The following ZNF600 variants were observed in gnomAD, a reference collection of about 807,000 sequenced individuals.
ZNF600 encodes the protein zinc finger protein 600.
A neutral mutation model predicts 7.3 loss-of-function variants in ZNF600; 4 were observed. The ratio of observed to expected loss-of-function variants is 0.55; its 90% CI spans 0.27 to 1.25. ZNF600 has a LOEUF of 1.25. Among genes scored for constraint, ZNF600 ranks in the 50% most tolerant of loss-of-function variants. ZNF600 has a pLI of 0.12. For synonymous variants in ZNF600, 290 were observed against 308.9 expected (o/e 0.94, Z 0.64); for missense variants, 911 against 922.1 (o/e 0.99, Z 0.16).
At chr19:52,807,419 G>A in the ZNF600 span, among the ~76,000 whole-genome samples, 995 of 152,294 alleles carry the variant, frequency 6.5e-3, 11 homozygotes, top group African/African-American at 0.022. Flanking sequence ...AGAATCGAAA[G>A]CACAGGAGAA....
At chr19:52,801,183 C>A in the ZNF600 span, 1 of 1,614,032 alleles carries the variant, frequency 6.2e-7, no homozygotes, top group Non-Finnish European at 8.5e-7. Context: ...AAAGGATTTG[C>A]CACTCTCAAT....
chr19:52,830,387 C>G, the ZNF600 span, among the ~76,000 whole-genome samples: 1 of 152,138 alleles, frequency 6.6e-6, no homozygotes, highest in Non-Finnish European at 1.5e-5. Context: ...TTTGCACATA[C>G]AGTAAGTGAG....
At chr19:52,827,151 G>C in the ZNF600 span, among the ~76,000 whole-genome samples, 1 of 151,326 alleles carries the variant, frequency 6.6e-6, no homozygotes, top group Non-Finnish European at 1.5e-5. Context: ...AGGGTAATGT[G>C]TGGATCACTT....
chr19:52,788,069 C>A (rs1303406950), upstream of ZNF600, among the ~76,000 whole-genome samples: 2 of 152,114 alleles, frequency 1.3e-5, no homozygotes, highest in African/African-American at 2.4e-5. Flanking sequence ...ATCACTGACA[C>A]CTTGGGGTCC....
chr19:52,809,940 GC>G, the ZNF600 span: 6 of 853,244 alleles, frequency 7.0e-6, no homozygotes, highest in Non-Finnish European at 9.7e-6. Context: ...CGGGGAGGTT[GC>G]CCCGGGGGGC....
intron 2 of ZNF600, among the ~76,000 whole-genome samples, chr19:52,777,699 G>A (rs2062687401): frequency 6.6e-6 from 1 of 151,858 alleles, no homozygotes; most frequent in Admixed American, 6.6e-5. Flanking sequence ...GTGTGGTGGT[G>A]CATCCTGAAG....
At chr19:52,814,139 G>C in the ZNF600 span, 1 of 146,844 alleles carries the variant, frequency 6.8e-6, no homozygotes, top group Non-Finnish European at 1.5e-5. Flanking sequence ...AGAACTGACA[G>C]TAACGGCTCC....
chr19:52,819,790 T>C, the ZNF600 span, among the ~76,000 whole-genome samples: 1,886 of 140,690 alleles, frequency 0.013, 254 homozygotes, highest in African/African-American at 0.05. Flanking sequence ...CTGATGAAAT[T>C]GACTCCCAAC....
chr19:52,803,956 C>CA, the ZNF600 span, among the ~76,000 whole-genome samples: 3 of 151,924 alleles, frequency 2.0e-5, no homozygotes, highest in Admixed American at 1.3e-4. Flanking sequence ...GACTCCATCT[C>CA]AAAAAAATAA....
chr19:52,827,113 C>T, the ZNF600 span, among the ~76,000 whole-genome samples: 3 of 151,754 alleles, frequency 2.0e-5, no homozygotes, highest in Admixed American at 6.6e-5. Context: ...GATATGGTGA[C>T]ACATGCCTGT....
rs771362371 is a variant in ZNF600 at position 52,767,758 on chromosome 19, G to C, written c.205C>G (p.Arg69Gly). Reference sequence around the variant, plus strand: ...GTTGACAAGACCTCCTTCATCATGCGTTTGGAAGAGATATCTACAAAATAT... The same window carrying C: ...GTTGACAAGACCTCCTTCATCATGCCTTTGGAAGAGATATCTACAAAATAT... Residue 69 changes from arginine to glycine, a missense_variant, in exon 4 of 4, where the codon CGC becomes GGC. Coordinates refer to ENST00000648973, the Ensembl canonical transcript of ZNF600. The C allele has an allele frequency of 5.7e-6, 9 of 1,568,056 alleles. No individual in the cohort carries two copies. The South Asian group carries it at 1.1e-4, about 19-fold the overall frequency.
At chr19:52,767,881 A>G (rs923748228) in intron 3 of ZNF600, 109 bp from the exon 6 acceptor site, 19 of 1,413,668 alleles carry the variant, frequency 1.3e-5, no homozygotes, top group Non-Finnish European at 1.8e-5. Flanking sequence ...CTTCCCAAAT[A>G]TCATCTTCAA....
At chr19:52,767,539 G>A in exon 4 of ZNF600, 1 of 1,614,122 alleles carries the variant, frequency 6.2e-7, no homozygotes, top group South Asian at 1.1e-5. Flanking sequence ...CTGTGATCAT[G>A]TTGGTCTGTG....
chr19:52,804,172 C>T, the ZNF600 span, among the ~76,000 whole-genome samples: 1 of 152,138 alleles, frequency 6.6e-6, no homozygotes, highest in Admixed American at 6.5e-5. Flanking sequence ...TATGGCTGGT[C>T]TAAAGCATGA....
chr19:52,808,713 C>T, the ZNF600 span, among the ~76,000 whole-genome samples: 27 of 151,506 alleles, frequency 1.8e-4, no homozygotes, highest in East Asian at 5.2e-3. Flanking sequence ...ACTTGGAAGG[C>T]TAAGGAGGGA....
At position 52,780,856 on chromosome 19, in the gene ZNF600, T is replaced by C. The variant is rs189840119; in HGVS notation, c.-19-1949A>G. The C allele has an allele frequency of 2.0e-3, 307 of 152,372 alleles. 3 individuals are homozygous for C. Among genetic ancestry groups the C allele is most frequent in the African/African-American group, 7.0e-3 (291 of 41,582 alleles). The allele number at this position is 152,372 out of a possible 1,614,324, so 9.4% of individuals were successfully genotyped here. On this transcript the variant is annotated intron_variant, in intron 1 of 3. Coordinates refer to ENST00000648973, the Ensembl canonical transcript of ZNF600. ...AAATAAAGTAATTTATTTCACAAAT[T>C]TAAAATACATGCTGTCAAGTTCGGC... is the stretch of plus-strand genomic sequence containing the variant.
the ZNF600 span, among the ~76,000 whole-genome samples, chr19:52,831,458 T>TGTG: frequency 6.6e-6 from 1 of 151,248 alleles, no homozygotes; most frequent in Admixed American, 6.6e-5. Flanking sequence ...AACAGGCGCC[T>TGTG]GCCACCAGGC....
chr19:52,808,047 C>T, the ZNF600 span: 3 of 1,613,558 alleles, frequency 1.9e-6, no homozygotes, highest in Non-Finnish European at 1.7e-6. Context: ...GCATCACATC[C>T]CTGTAAAGAG....
At chr19:52,811,182 G>A in the ZNF600 span, among the ~76,000 whole-genome samples, 5 of 150,898 alleles carry the variant, frequency 3.3e-5, no homozygotes, top group African/African-American at 1.2e-4. Context: ...ATGGAGTCTC[G>A]TTCACTCAGT....
Sources: gnomAD v4.1 joint callset for allele counts (sites outside exome capture counted in the v4.1 genomes callset) on GRCh38, gnomAD v4.1.1 for gene constraint, MANE v1.5 for transcripts, NCBI Gene and HGNC (gene_info 2026-07-23, HGNC 2026-07-21) for gene names.